Variants in SOCS5 observed in about 807,000 individuals in gnomAD.
SOCS5 encodes CIS-6.
In SOCS5, 32 loss-of-function variants were observed where a neutral mutation model predicts 42.8. The observed-to-expected ratio is 0.75, with a 90% CI of 0.56 to 1.01. SOCS5 has a LOEUF of 1.01. Among genes scored for constraint, SOCS5 ranks in the 50% least tolerant of loss-of-function variants. SOCS5 has a pLI of 0.00. For missense variants in SOCS5, 627 were observed against 653.0 expected, an observed-to-expected ratio of 0.96 and a Z score of 0.43; for synonymous variants, 283 against 229.6, an observed-to-expected ratio of 1.23 and a Z score of -2.10.
chr2:46,746,764 G>T (rs1268390449), intron 1 of SOCS5, among the ~76,000 whole-genome samples: 1 of 151,760 alleles, frequency 6.6e-6, no homozygotes, highest in Non-Finnish European at 1.5e-5. Context: ...TTATGTAATT[G>T]ATCTTTGTGT....
intron 1 of SOCS5, among the ~76,000 whole-genome samples, chr2:46,703,046 T>G (rs946071657): frequency 3.9e-5 from 6 of 152,248 alleles, no homozygotes; most frequent in African/African-American, 1.2e-4. Context: ...GAGCTCTATT[T>G]TAATGAGTAT....
At chr2:46,731,689 C>A (rs1453796280) in intron 1 of SOCS5, among the ~76,000 whole-genome samples, 1 of 152,138 alleles carries the variant, frequency 6.6e-6, no homozygotes, top group Non-Finnish European at 1.5e-5. Context: ...CCAGTCAGTT[C>A]TGCTATAATG....
intron 1 of SOCS5, among the ~76,000 whole-genome samples, chr2:46,708,160 G>A (rs912278806): frequency 1.3e-5 from 2 of 152,182 alleles, no homozygotes; most frequent in African/African-American, 4.8e-5. Context: ...TCTAGTTCAA[G>A]AAAGAGACTA....
chr2:46,753,279 C>G (rs950330155), intron 1 of SOCS5, among the ~76,000 whole-genome samples: 5 of 152,124 alleles, frequency 3.3e-5, no homozygotes, highest in African/African-American at 1.2e-4. Context: ...GCTCCCCAAC[C>G]CCGAAACTAG....
chr2:46,749,061 G>A (rs1558411609), intron 1 of SOCS5, among the ~76,000 whole-genome samples: 1 of 152,144 alleles, frequency 6.6e-6, no homozygotes, highest in Admixed American at 6.5e-5. Context: ...AAGCATTGAT[G>A]CCCTGTGCTC....
At chr2:46,718,527 G>A (rs1672804354) in intron 1 of SOCS5, among the ~76,000 whole-genome samples, 1 of 151,978 alleles carries the variant, frequency 6.6e-6, no homozygotes, top group Non-Finnish European at 1.5e-5. Flanking sequence ...ATCATTTTGG[G>A]TATCTTTTAT....
Position 46,761,849 on chromosome 2 carries a change from G to A in SOCS5, c.*1708G>A, listed in dbSNP as rs1673877589. On this transcript the variant is annotated 3_prime_UTR_variant, in exon 2 of 2. Transcript: ENST00000394861. The stretch of plus-strand genomic sequence containing the variant: ...TACTGCAAATTACTGTACAGTTTAG[G>A]TTATAACAGAAAACTGACAGAGAAG... 6.0e-6 allele frequency: 1 copy of A among 166,722 alleles called. No individual in the cohort carries two copies. Among genetic ancestry groups the A allele is most frequent in the Admixed American group, 6.6e-5 (1 of 15,264 alleles). The allele number at this position is 166,722 out of a possible 1,614,324, so 10.3% of individuals were successfully genotyped here.
rs1673788505 is a variant in SOCS5, at chr2:46,758,851, A to C, written c.321A>C (p.Arg107Ser). The change falls in exon 2 of 2, where the codon AGA (arginine) becomes AGC (serine). Residue 107 changes from arginine to serine, a missense_variant. Around this residue, in one of 3 missense-constraint regions of SOCS5, gnomAD observed 278 missense variants for 246.3 expected, o/e 1.13. Coordinates refer to ENST00000394861, the MANE Select transcript of SOCS5 (RefSeq NM_144949.3). ...ATTCTTGTGTTACCCCAGGAACAAG[A>C]CTTGCACGAAGAGATTCCTACTCTC... ...DNDSCVTPGT[R>S]LARRDSYSRH... is the part of the protein sequence containing the mutation. 3 of 1,614,096 alleles carry C rather than the reference A, an allele frequency of 1.9e-6. No individual in the cohort carries two copies. The highest frequency in any genetic ancestry group is 2.2e-5 in the East Asian group (1 of 44,878).
chr2:46,755,359 T>C (rs550833068), intron 1 of SOCS5, among the ~76,000 whole-genome samples: 211 of 152,306 alleles, frequency 1.4e-3, no homozygotes, highest in African/African-American at 4.9e-3. Context: ...TAATAGATAC[T>C]AGTTGGCATT....
At chr2:46,724,419 T>G (rs1487401067) in intron 1 of SOCS5, among the ~76,000 whole-genome samples, 1 of 151,964 alleles carries the variant, frequency 6.6e-6, no homozygotes, top group African/African-American at 2.4e-5. Context: ...TTTATGTGAT[T>G]TGGGTTTGTT....
intron 1 of SOCS5, among the ~76,000 whole-genome samples, chr2:46,726,042 C>T (rs1672982800): frequency 6.6e-6 from 1 of 151,344 alleles, no homozygotes; most frequent in African/African-American, 2.4e-5. Flanking sequence ...TTATTTTTTA[C>T]CTGTTTGACT....
At position 46,761,883 on chromosome 2, in the gene SOCS5, C is replaced by T. The variant is rs1168955246; in HGVS notation, c.*1742C>T. The T allele has an allele frequency of 6.0e-6, 1 of 166,848 alleles. No individual in the cohort carries two copies. Among genetic ancestry groups the T allele is most frequent in the African/African-American group, 2.4e-5 (1 of 41,416 alleles). The allele number at this position is 166,848 out of a possible 1,614,324, so 10.3% of individuals were successfully genotyped here. ...GAAAACTGACAGAGAAGTAATAAACCTATTGATTTCTCTGCTTATAAATGA... is the reference window on the plus strand; with the variant it reads ...GAAAACTGACAGAGAAGTAATAAACTTATTGATTTCTCTGCTTATAAATGA... On this transcript the variant is annotated 3_prime_UTR_variant, in exon 2 of 2. Transcript: ENST00000394861.
rs556617831 is a variant in SOCS5 at position 46,721,804 on chromosome 2, A to G, written c.-13+22355A>G. Among the ~76,000 whole-genome samples the G allele has an allele frequency of 1.1e-4, 17 of 152,268 alleles. No homozygotes were observed. The South Asian group carries it at 2.9e-3, about 26-fold the overall frequency. The stretch of plus-strand genomic sequence containing the variant: ...ATCTTGGAGGAAAAAGAAATATTTC[A>G]TGCCTTCTTAGGATGGTTTTACAGA... On this transcript the variant is annotated intron_variant, in intron 1 of 1. Coordinates refer to ENST00000394861, the MANE Select transcript of SOCS5 (RefSeq NM_144949.3).
At chr2:46,716,324 G>A (rs1199426575) in intron 1 of SOCS5, among the ~76,000 whole-genome samples, 1 of 131,338 alleles carries the variant, frequency 7.6e-6, no homozygotes, top group African/African-American at 2.9e-5. Context: ...ATTTTTCATA[G>A]GCCTGGTAAT....
Position 46,759,137 on chromosome 2 carries a change from T to G in SOCS5, c.607T>G (p.Ser203Ala), listed in dbSNP as rs745721775. 21 of 1,613,880 alleles carry G rather than the reference T, an allele frequency of 1.3e-5. No homozygotes were observed. The highest frequency in any genetic ancestry group is 5.1e-6 in the Non-Finnish European group (6 of 1,179,872). ...CAGCAAGCAGTCAAAGCCTCTCTTTTCCAATAAAAGAAAAATCCATCTCTC... is the reference window on the plus strand; with the variant it reads ...CAGCAAGCAGTCAAAGCCTCTCTTTGCCAATAAAAGAAAAATCCATCTCTC... ...TYSKQSKPLFSNKRKIHLSEL... is the reference protein window; with the variant it reads ...TYSKQSKPLFANKRKIHLSEL... The change falls in exon 2 of 2, where the codon TCC becomes GCC. Residue 203 changes from serine (S) to alanine (A), a missense_variant. Physicochemically the swap from Ser to Ala is moderately conservative, Grantham distance 99. Transcript: ENST00000394861.
Position 46,740,286 on chromosome 2 carries a change from G to A in SOCS5, c.-12-18233G>A, listed in dbSNP as rs560528266. Among the ~76,000 whole-genome samples the A allele has an allele frequency of 2.6e-5, 4 of 152,270 alleles. No individual in the cohort carries two copies. The East Asian group carries it at 7.7e-4, about 29-fold the overall frequency. On this transcript the variant is annotated intron_variant, in intron 1 of 1. Transcript: ENST00000394861. ...TTGGTCGGCCACTGCCCAACCAGGT[G>A]GAAGCACAGAAAGTTGTCTCCACAT...
Position 46,760,165 on chromosome 2 carries a change from T to C in SOCS5, c.*24T>C. On this transcript the variant is annotated 3_prime_UTR_variant, in exon 2 of 2. Coordinates refer to ENST00000394861, the MANE Select transcript of SOCS5 (RefSeq NM_144949.3). ...AAACTCTCCGGTCCCCAAAGGTTGT[T>C]AACTAGGTCCGCTTTCATGTGCATC... is the stretch of plus-strand genomic sequence containing the variant. 6.4e-7 allele frequency: 1 copy of C among 1,570,222 alleles called. No individual in the cohort carries two copies. The highest frequency in any genetic ancestry group is 8.7e-7 in the Non-Finnish European group (1 of 1,150,208).
intron 1 of SOCS5, among the ~76,000 whole-genome samples, chr2:46,702,701 T>C (rs1386593470): frequency 6.6e-6 from 1 of 152,084 alleles, no homozygotes; most frequent in African/African-American, 2.4e-5. Context: ...TGATAAAATG[T>C]GTGTGACTCC....
At chr2:46,706,903 A>G (rs1672504847) in intron 1 of SOCS5, among the ~76,000 whole-genome samples, 1 of 152,238 alleles carries the variant, frequency 6.6e-6, no homozygotes, top group Non-Finnish European at 1.5e-5. Context: ...GAGATAAAAT[A>G]TAAGAAAGTA....
Sources: gnomAD v4.1 joint callset for allele counts (sites outside exome capture counted in the v4.1 genomes callset) on GRCh38, gnomAD v4.1.1 for gene constraint, gnomAD v4.1.1 regional missense constraint, MANE v1.5 for transcripts, NCBI Gene and HGNC (gene_info 2026-07-23, HGNC 2026-07-21) for gene names.